Variants in GRID2 observed in about 807,000 individuals in gnomAD.
The protein encoded by GRID2 is glutamate receptor ionotropic, delta-2.
GRID2 carries 33 observed loss-of-function variants against 114.8 expected under a neutral mutation model. That is an observed-to-expected ratio of 0.29 (90% confidence interval 0.22 to 0.38). GRID2 has a LOEUF of 0.38. Among genes scored for constraint, GRID2 ranks in the 10% least tolerant of loss-of-function variants. The pLI is 1.00. For missense variants in GRID2, 1,184 were observed against 1,257.7 expected, an observed-to-expected ratio of 0.94 and a Z score of 0.89; for synonymous variants, 505 against 449.9, an observed-to-expected ratio of 1.12 and a Z score of -1.55.
intron 2 of GRID2, among the ~76,000 whole-genome samples, chr4:92,861,422 G>A (rs1311047850): frequency 6.6e-6 from 1 of 151,930 alleles, no homozygotes; most frequent in Non-Finnish European, 1.5e-5. Context: ...GAAATCTTGG[G>A]GCTATCTGAG....
At chr4:92,835,485 T>C (rs978269364) in intron 2 of GRID2, among the ~76,000 whole-genome samples, 2 of 152,150 alleles carry the variant, frequency 1.3e-5, no homozygotes, top group African/African-American at 2.4e-5. Flanking sequence ...CTACAGATAA[T>C]GCTTATGCTG....
At chr4:93,030,019 T>A (rs1300968611) in intron 2 of GRID2, among the ~76,000 whole-genome samples, 2 of 152,102 alleles carry the variant, frequency 1.3e-5, no homozygotes, top group African/African-American at 4.8e-5. Flanking sequence ...TACAGAGCAT[T>A]TTCATCATTG....
intron 2 of GRID2, among the ~76,000 whole-genome samples, chr4:93,028,267 A>G (rs1724063293): frequency 6.6e-6 from 1 of 152,148 alleles, no homozygotes; most frequent in Non-Finnish European, 1.5e-5. Flanking sequence ...ACTGACTTTG[A>G]TAGAGTGATA....
intron 1 of GRID2, among the ~76,000 whole-genome samples, chr4:92,579,916 A>G (rs116238851): frequency 0.029 from 4,268 of 147,986 alleles, 185 homozygotes; most frequent in African/African-American, 0.09. Flanking sequence ...AGTCTATTAT[A>G]CTATATATGT....
At chr4:92,622,211 G>T (rs2149239272) in intron 2 of GRID2, among the ~76,000 whole-genome samples, 1 of 151,810 alleles carries the variant, frequency 6.6e-6, no homozygotes, top group Admixed American at 6.6e-5. Context: ...ATCTGTAAGA[G>T]ATTTTATAAT....
At chr4:93,153,861 A>T (rs1736939787) in intron 4 of GRID2, among the ~76,000 whole-genome samples, 1 of 152,074 alleles carries the variant, frequency 6.6e-6, no homozygotes, top group African/African-American at 2.4e-5. Flanking sequence ...GTAAGAACAC[A>T]TAGCATGAGA....
At chr4:93,489,144 A>G (rs1726724376) in intron 11 of GRID2, among the ~76,000 whole-genome samples, 1 of 152,036 alleles carries the variant, frequency 6.6e-6, no homozygotes, top group South Asian at 2.1e-4. Context: ...TAAAAAGATA[A>G]AGGAATTGGC....
intron 1 of GRID2, among the ~76,000 whole-genome samples, chr4:92,369,032 A>C (rs906976721): frequency 1.3e-5 from 2 of 152,066 alleles, no homozygotes; most frequent in African/African-American, 4.8e-5. Flanking sequence ...TTGCTGATTA[A>C]ATAAATCTGA....
intron 11 of GRID2, among the ~76,000 whole-genome samples, chr4:93,477,736 A>G (rs1461722366): frequency 1.3e-5 from 2 of 152,162 alleles, no homozygotes; most frequent in Non-Finnish European, 2.9e-5. Flanking sequence ...AGTGCATTTC[A>G]TTCATACTAT....
chr4:92,690,200 T>TAA (rs55671397), intron 2 of GRID2, among the ~76,000 whole-genome samples: 34 of 143,560 alleles, frequency 2.4e-4, no homozygotes, highest in African/African-American at 6.9e-4. Flanking sequence ...ACTGAAAGTT[T>TAA]AAAAAAAAAA....
chr4:92,890,521 C>T (rs889841363), intron 2 of GRID2, among the ~76,000 whole-genome samples: 3 of 152,108 alleles, frequency 2.0e-5, no homozygotes, highest in Non-Finnish European at 2.9e-5. Context: ...AAAAGCTCAT[C>T]ATCATTGGTC....
intron 2 of GRID2, among the ~76,000 whole-genome samples, chr4:92,933,539 T>C (rs973096787): frequency 6.6e-6 from 1 of 151,512 alleles, no homozygotes; most frequent in Non-Finnish European, 1.5e-5. Flanking sequence ...ATAAGTGATG[T>C]GGATGCCTAA....
chr4:92,382,298 A>T (rs1729656527), intron 1 of GRID2, among the ~76,000 whole-genome samples: 1 of 152,032 alleles, frequency 6.6e-6, no homozygotes, highest in Non-Finnish European at 1.5e-5. Flanking sequence ...CCCATACAAA[A>T]GAAAGCCAGG....
intron 2 of GRID2, among the ~76,000 whole-genome samples, chr4:92,985,899 C>G (rs1754486809): frequency 6.6e-6 from 1 of 152,166 alleles, no homozygotes; most frequent in Admixed American, 6.5e-5. Context: ...ATAGGTTCTA[C>G]ATCTGAGGAG....
chr4:93,128,061 A>AAAAAAAG (rs1560908630), intron 4 of GRID2, among the ~76,000 whole-genome samples: 6 of 84,072 alleles, frequency 7.1e-5, no homozygotes, highest in African/African-American at 2.3e-4. Context: ...AAAAAAAAAC[A>AAAAAAAG]ACAGTACGTG....
chr4:93,244,406 G>C (rs1349893637), intron 8 of GRID2, among the ~76,000 whole-genome samples: 2 of 151,192 alleles, frequency 1.3e-5, no homozygotes, highest in East Asian at 1.9e-4. Flanking sequence ...GGGCTCTCCA[G>C]CTTTAAATTC....
At chr4:93,245,550 A>T (rs1748109865) in intron 8 of GRID2, among the ~76,000 whole-genome samples, 2 of 152,222 alleles carry the variant, frequency 1.3e-5, no homozygotes, top group African/African-American at 4.8e-5. Context: ...TACCCATAAA[A>T]GTACAAGTTT....
chr4:92,401,126 G>C (rs2110280958), intron 1 of GRID2, among the ~76,000 whole-genome samples: 1 of 152,158 alleles, frequency 6.6e-6, no homozygotes, highest in Admixed American at 6.6e-5. Context: ...TGTTGTTGCT[G>C]TGCTTTTGTT....
chr4:93,050,446 G>A (rs1010953109), intron 2 of GRID2, among the ~76,000 whole-genome samples: 2 of 151,616 alleles, frequency 1.3e-5, no homozygotes, highest in Admixed American at 6.6e-5. Context: ...AGAGAGCACT[G>A]AGCAAACTGG....
Sources: gnomAD v4.1 joint callset for allele counts (sites outside exome capture counted in the v4.1 genomes callset) on GRCh38, gnomAD v4.1.1 for gene constraint, MANE v1.5 for transcripts, NCBI Gene and HGNC (gene_info 2026-07-23, HGNC 2026-07-21) for gene names.